Variants in AOAH observed in about 807,000 individuals in gnomAD.
The protein encoded by AOAH is acyloxyacyl hydrolase, also known as acyloxyacyl hydrolase (neutrophil).
Under a neutral mutation model 92.2 loss-of-function variants are expected in AOAH, and 64 were observed. The observed-to-expected ratio is 0.69, with a 90% CI of 0.57 to 0.86. The LOEUF is 0.86. Among genes scored for constraint, AOAH ranks in the 40% least tolerant of loss-of-function variants. The pLI is 0.00. For missense variants in AOAH, 656 were observed against 694.6 expected (o/e 0.94, Z 0.62); for synonymous variants, 263 against 254.5 (o/e 1.03, Z -0.32).
chr7:36,634,111 AG>A (rs1261703562), intron 5 of AOAH, among the ~76,000 whole-genome samples: 2 of 152,318 alleles, frequency 1.3e-5, no homozygotes, highest in African/African-American at 4.8e-5. Context: ...CCAGAGACTT[AG>A]TAGCTGACTA....
At chr7:36,659,502 T>G (rs527256692) in intron 3 of AOAH, among the ~76,000 whole-genome samples, 14 of 152,310 alleles carry the variant, frequency 9.2e-5, no homozygotes, top group African/African-American at 3.4e-4. Flanking sequence ...TGCACAGCAC[T>G]GAGCTGCCAG....
intron 13 of AOAH, among the ~76,000 whole-genome samples, chr7:36,571,372 C>T (rs1376700176): frequency 6.6e-6 from 1 of 152,190 alleles, no homozygotes; most frequent in East Asian, 1.9e-4. Flanking sequence ...TAAGCCTCCA[C>T]CCCCAGCACA....
chr7:36,672,346 T>C (rs1562681491), intron 3 of AOAH, among the ~76,000 whole-genome samples: 1 of 152,140 alleles, frequency 6.6e-6, no homozygotes, highest in Non-Finnish European at 1.5e-5. Context: ...AGAGGAATCA[T>C]GTAAGGATGT....
intron 12 of AOAH, among the ~76,000 whole-genome samples, chr7:36,589,786 CCTT>C (rs574860039): frequency 6.6e-5 from 10 of 152,132 alleles, no homozygotes; most frequent in Non-Finnish European, 1.3e-4. Context: ...AGAAGTCCTT[CCTT>C]CTTGTAAAAG....
rs1377054042 is a variant in AOAH at position 36,699,652 on chromosome 7, TTG to T, written c.128-12860_128-12859del. ...TGGATTATTTGTTTTTTTTTTTTTT[TTG>T]CTATTGAGCTATTTGAGCTTCTTAT... On this transcript the variant is annotated intron_variant, in intron 1 of 20. Coordinates refer to ENST00000617537, the MANE Select transcript of AOAH (RefSeq NM_001637.4). 3.1e-4 allele frequency among the ~76,000 whole-genome samples: 46 copies of T among 147,032 alleles called. 1 individual carries two copies. The highest frequency in any genetic ancestry group is 1.2e-3 in the African/African-American group (45 of 38,776).
At chr7:36,534,504 G>GGGCT (rs1417598801) in intron 16 of AOAH, among the ~76,000 whole-genome samples, 1 of 152,192 alleles carries the variant, frequency 6.6e-6, no homozygotes, top group Non-Finnish European at 1.5e-5. Context: ...AGGGACTCTG[G>GGGCT]GGCTGGTCAT....
intron 20 of AOAH, among the ~76,000 whole-genome samples, chr7:36,518,807 A>C (rs984563172): frequency 2.6e-5 from 4 of 152,200 alleles, no homozygotes; most frequent in African/African-American, 9.6e-5. Context: ...GTAATACAGC[A>C]TGATGCTTTA....
chr7:36,593,778 G>A (rs544047441), intron 12 of AOAH, among the ~76,000 whole-genome samples: 1 of 152,336 alleles, frequency 6.6e-6, no homozygotes, highest in African/African-American at 2.4e-5. Context: ...ACTCATATCT[G>A]TGGTTTACTA....
intron 13 of AOAH, among the ~76,000 whole-genome samples, chr7:36,570,518 G>C (rs1484477248): frequency 6.6e-6 from 1 of 152,200 alleles, no homozygotes; most frequent in Non-Finnish European, 1.5e-5. Context: ...TAAATACCCA[G>C]AAGTGGGATT....
intron 1 of AOAH, among the ~76,000 whole-genome samples, chr7:36,687,142 A>G (rs1048403064): frequency 6.6e-6 from 1 of 152,182 alleles, no homozygotes; most frequent in Non-Finnish European, 1.5e-5. Context: ...ATTGCCTGGC[A>G]TTTGAAGTCG....
intron 11 of AOAH, among the ~76,000 whole-genome samples, chr7:36,602,530 C>A (rs1428119849): frequency 6.6e-6 from 1 of 150,552 alleles, no homozygotes; most frequent in South Asian, 2.1e-4. Context: ...ATATCCTCCT[C>A]ATATGCAGAG....
chr7:36,544,665 C>G (rs112085755), intron 15 of AOAH, among the ~76,000 whole-genome samples: 4 of 152,294 alleles, frequency 2.6e-5, no homozygotes, highest in African/African-American at 9.6e-5. Context: ...ATGTCAGAAA[C>G]AAATGGCCGG....
At chr7:36,683,213 G>A (rs369825799) in intron 2 of AOAH, among the ~76,000 whole-genome samples, 1 of 152,164 alleles carries the variant, frequency 6.6e-6, no homozygotes. Context: ...GAAAAGCATT[G>A]ACTTTCAAGT....
intron 11 of AOAH, among the ~76,000 whole-genome samples, chr7:36,611,864 T>C (rs528134515): frequency 1.3e-5 from 2 of 152,312 alleles, no homozygotes; most frequent in Admixed American, 6.5e-5. Context: ...ACTGTTACTA[T>C]CATCATTTAC....
chr7:36,705,782 A>C (rs904056591), intron 1 of AOAH, among the ~76,000 whole-genome samples: 2 of 152,182 alleles, frequency 1.3e-5, no homozygotes, highest in Non-Finnish European at 2.9e-5. Context: ...GCAGTAACCA[A>C]AACAGCATGG....
At chr7:36,599,496 A>T (rs1790386575) in intron 11 of AOAH, among the ~76,000 whole-genome samples, 1 of 152,216 alleles carries the variant, frequency 6.6e-6, no homozygotes, top group African/African-American at 2.4e-5. Context: ...CCTGCATTAG[A>T]CCTGAATGGA....
intron 11 of AOAH, among the ~76,000 whole-genome samples, chr7:36,606,781 C>A (rs1017064202): frequency 1.3e-5 from 2 of 152,034 alleles, no homozygotes; most frequent in Admixed American, 1.3e-4. Flanking sequence ...ACAAAACCAG[C>A]ATGAAAGTGT....
chr7:36,618,376 T>C (rs1792044168), intron 9 of AOAH, 31 bp from the exon 10 acceptor site: 1 of 1,611,742 alleles, frequency 6.2e-7, no homozygotes, highest in Admixed American at 1.7e-5. Flanking sequence ...GATTAGCAGT[T>C]TGGTTTTAAA....
chr7:36,551,335 G>A (rs1278330937), intron 13 of AOAH, among the ~76,000 whole-genome samples: 3 of 152,070 alleles, frequency 2.0e-5, no homozygotes, highest in Admixed American at 6.6e-5. Context: ...GCCTCCCAAA[G>A]TGCTGGGATT....
Sources: allele counts gnomAD v4.1 joint callset (sites outside exome capture counted in the v4.1 genomes callset), GRCh38; gene constraint gnomAD v4.1.1; transcripts MANE v1.5; gene names NCBI Gene and HGNC (gene_info 2026-07-23, HGNC 2026-07-21).